APBA1: variants seen among roughly 807,000 people sequenced by gnomAD.
APBA1 encodes the protein amyloid beta precursor protein binding family A member 1.
In APBA1, 55 loss-of-function variants were observed where a neutral mutation model predicts 86.6. The observed-to-expected ratio is 0.64, with a 90% CI of 0.51 to 0.80. The LOEUF is 0.80. APBA1 is among the 30% of genes least tolerant of loss of function. The probability of loss-of-function intolerance (pLI) is 0.00; values close to 1 mark genes in which losing one functional copy is unlikely to be tolerated. For missense variants in APBA1, 1,090 were observed against 1,183.0 expected (o/e 0.92, Z 1.15); for synonymous variants, 511 against 493.9 (o/e 1.03, Z -0.46).
In APBA1 at chr9:69,577,518, T is replaced by C. The variant is rs1046184870; in HGVS notation, c.-69-60239A>G. On this transcript the variant is annotated intron_variant, in intron 1 of 12. Coordinates refer to ENST00000265381, the MANE Select transcript of APBA1 (RefSeq NM_001163.4). ...GAATAGATGGCCAAGAGAGAAAGCT[T>C]TGGAAAGGAGACTGGAGGGTTTACA... is the stretch of plus-strand genomic sequence containing the variant. Among the ~76,000 whole-genome samples the C allele has an allele frequency of 5.9e-5, 9 of 152,012 alleles. 1 individual carries two copies. Among genetic ancestry groups the C allele is most frequent in the Admixed American group, 3.3e-4 (5 of 15,274 alleles).
intron 2 of APBA1, among the ~76,000 whole-genome samples, chr9:69,512,077 T>G (rs1836056684): frequency 6.8e-6 from 1 of 148,040 alleles, no homozygotes; most frequent in Non-Finnish European, 1.5e-5. Context: ...GTATAATAAA[T>G]AAATAAATAA....
chr9:69,440,725 G>A (rs566675155), intron 11 of APBA1, among the ~76,000 whole-genome samples: 125 of 152,260 alleles, frequency 8.2e-4, no homozygotes, highest in African/African-American at 2.8e-3. Flanking sequence ...GACCCCTTGC[G>A]CTTCCCGGGT....
chr9:69,612,870 G>A (rs891575906), intron 1 of APBA1, among the ~76,000 whole-genome samples: 2 of 152,070 alleles, frequency 1.3e-5, no homozygotes, highest in Non-Finnish European at 2.9e-5. Flanking sequence ...CAGGAGATAC[G>A]TGAAGAAAGT....
chr9:69,448,244 T>C (rs1441644301), intron 10 of APBA1, among the ~76,000 whole-genome samples: 1 of 152,238 alleles, frequency 6.6e-6, no homozygotes, highest in African/African-American at 2.4e-5. Context: ...CTCACCTTTA[T>C]GTTGGCCGCA....
At position 69,555,175 on chromosome 9, in the gene APBA1, T is replaced by C. The variant is rs181750448; in HGVS notation, c.-69-37896A>G. Among the ~76,000 whole-genome samples, 44 of 152,310 alleles carry C rather than the reference T, an allele frequency of 2.9e-4. No homozygotes were observed. The East Asian group carries it at 6.0e-3, about 21-fold the overall frequency. On this transcript the variant is annotated intron_variant, in intron 1 of 12. Transcript: ENST00000265381. ...ATTTAACCACAGAGATAAGTTTTAA[T>C]AACATTTGTGCAATCATTTTTCAAT...
In APBA1 at chr9:69,429,835, C is replaced by T. The variant is rs759216098; in HGVS notation, c.*1492G>A. On this transcript the variant is annotated 3_prime_UTR_variant, in exon 13 of 13. Transcript: ENST00000265381. ...TATTAATTACAAAATATAATAGTTT[C>T]TCTTCCCCTGTCTCTACTGAGGTCA... The T allele has an allele frequency of 1.3e-5, 2 of 151,920 alleles. No homozygotes were observed. The highest frequency in any genetic ancestry group is 2.9e-5 in the Non-Finnish European group (2 of 68,020). 9.4% of individuals were successfully genotyped at this position (151,920 alleles called of 1,614,324 possible).
At chr9:69,458,086 A>G in intron 6 of APBA1, 70 bp downstream of exon 6, 1 of 1,442,266 alleles carries the variant, frequency 6.9e-7, no homozygotes, top group Non-Finnish European at 9.3e-7. Context: ...CGAAAATATA[A>G]AAAGGTAAAA....
intron 1 of APBA1, among the ~76,000 whole-genome samples, chr9:69,646,844 T>A (rs1823398899): frequency 1.3e-5 from 2 of 152,154 alleles, no homozygotes; most frequent in Admixed American, 1.3e-4. Context: ...TTGAAGAAGG[T>A]AATATAGACA....
At chr9:69,617,115 C>T (rs1415298899) in intron 1 of APBA1, among the ~76,000 whole-genome samples, 1 of 152,154 alleles carries the variant, frequency 6.6e-6, no homozygotes, top group Non-Finnish European at 1.5e-5. Flanking sequence ...TGGTGCCATC[C>T]TTGTTGTTGA....
intron 1 of APBA1, among the ~76,000 whole-genome samples, chr9:69,558,557 CACACATAT>C (rs891732340): frequency 4.5e-5 from 6 of 133,832 alleles, no homozygotes; most frequent in African/African-American, 1.9e-4. Context: ...CACACACACA[CACACATAT>C]ATATATATAT....
At chr9:69,649,912 T>G (rs1342222934) in intron 1 of APBA1, among the ~76,000 whole-genome samples, 1 of 152,208 alleles carries the variant, frequency 6.6e-6, no homozygotes, top group Admixed American at 6.5e-5. Flanking sequence ...CCGGTTGGCA[T>G]CCTTTAAACA....
At chr9:69,513,178 T>C (rs1481582783) in intron 2 of APBA1, among the ~76,000 whole-genome samples, 1 of 152,254 alleles carries the variant, frequency 6.6e-6, no homozygotes, top group Non-Finnish European at 1.5e-5. Context: ...TTTTCTGACA[T>C]GGTTGGTTCC....
At chr9:69,609,342 A>G (rs1822536545) in intron 1 of APBA1, among the ~76,000 whole-genome samples, 1 of 152,158 alleles carries the variant, frequency 6.6e-6, no homozygotes, top group South Asian at 2.1e-4. Context: ...ACAACTTTGC[A>G]CAAAGGCCAT....
intron 1 of APBA1, among the ~76,000 whole-genome samples, chr9:69,613,020 A>G (rs1822620027): frequency 6.6e-6 from 1 of 152,134 alleles, no homozygotes; most frequent in Non-Finnish European, 1.5e-5. Context: ...ATAGGATAAA[A>G]CTAAAAGTCT....
At chr9:69,471,076 T>C (rs956732410) in intron 4 of APBA1, among the ~76,000 whole-genome samples, 5 of 152,142 alleles carry the variant, frequency 3.3e-5, no homozygotes, top group African/African-American at 1.2e-4. Flanking sequence ...TCTTGATGCC[T>C]CAGTTGTCTC....
At chr9:69,541,951 A>G (rs1836620336) in intron 1 of APBA1, among the ~76,000 whole-genome samples, 2 of 152,122 alleles carry the variant, frequency 1.3e-5, no homozygotes, top group African/African-American at 4.8e-5. Context: ...GGTGAACACC[A>G]ATTCCCTTGG....
chr9:69,597,983 A>G lies in APBA1; in HGVS notation c.-70+74170T>C, dbSNP rs1822264956. 2.6e-5 allele frequency among the ~76,000 whole-genome samples: 4 copies of G among 151,890 alleles called. No individual in the cohort carries two copies. In the South Asian group the frequency reaches 8.3e-4, roughly 32 times the overall value. ...CATGCTGCTATAAAGACACATGCAC[A>G]CGTATGTTTATTGCGGCATTATTCA... On this transcript the variant is annotated intron_variant, in intron 1 of 12. Coordinates refer to ENST00000265381, the MANE Select transcript of APBA1 (RefSeq NM_001163.4).
At chr9:69,488,073 C>T (rs566130597) in intron 2 of APBA1, among the ~76,000 whole-genome samples, 18 of 152,188 alleles carry the variant, frequency 1.2e-4, no homozygotes, top group South Asian at 2.1e-4. Flanking sequence ...CAGCTGCTGA[C>T]AATGGAGAAA....
chr9:69,444,893 G>A (rs192743409), intron 10 of APBA1, among the ~76,000 whole-genome samples: 2 of 152,286 alleles, frequency 1.3e-5, no homozygotes, highest in East Asian at 3.9e-4. Context: ...CTAAGCACAG[G>A]GCTCTGAGCC....
Sources: gnomAD v4.1 joint callset for allele counts (sites outside exome capture counted in the v4.1 genomes callset) on GRCh38, gnomAD v4.1.1 for gene constraint, MANE v1.5 for transcripts, NCBI Gene and HGNC (gene_info 2026-07-23, HGNC 2026-07-21) for gene names.